LCK: variants seen among roughly 807,000 people sequenced by gnomAD.
LCK encodes the protein LCK proto-oncogene, Src family tyrosine kinase.
In LCK, 14 loss-of-function variants were observed where a neutral mutation model predicts 64.6. The ratio of observed to expected loss-of-function variants is 0.22; its 90% CI spans 0.14 to 0.34. LCK has a LOEUF of 0.34. Ranked by LOEUF, LCK falls within the 10% of genes least tolerant of loss-of-function variation. The pLI, the probability that LCK is intolerant of heterozygous loss-of-function variation, is 1.00. For synonymous variants in LCK, 277 were observed against 263.6 expected (o/e 1.05, Z -0.49); for missense variants, 434 against 668.1 (o/e 0.65, Z 3.86).
chr1:32,280,453 T>C (rs1443681838), intron 12 of LCK, among the ~76,000 whole-genome samples: 2 of 119,438 alleles, frequency 1.7e-5, no homozygotes, highest in Admixed American at 8.0e-5. Flanking sequence ...CTTTTTTTTT[T>C]TTTTTTTTTT....
At chr1:32,263,399 A>C (rs1006076626) in intron 1 of LCK, among the ~76,000 whole-genome samples, 2 of 134,792 alleles carry the variant, frequency 1.5e-5, no homozygotes, top group African/African-American at 6.2e-5. Flanking sequence ...TCTCAAAATA[A>C]ATAAAATAAA....
chr1:32,274,029 A>C, intron 1 of LCK: 8 of 450,920 alleles, frequency 1.8e-5, no homozygotes, highest in Non-Finnish European at 2.4e-5. Context: ...AGAGGCAGGA[A>C]GTGGGTAACT....
chr1:32,281,263 A>C (rs1025780672), intron 12 of LCK, among the ~76,000 whole-genome samples: 3 of 149,494 alleles, frequency 2.0e-5, no homozygotes, highest in Non-Finnish European at 4.5e-5. Flanking sequence ...GAGAGACTCC[A>C]TCTCTACAAA....
chr1:32,284,670 T>C (rs1640563603), intron 12 of LCK, among the ~76,000 whole-genome samples: 1 of 152,182 alleles, frequency 6.6e-6, no homozygotes, highest in Non-Finnish European at 1.5e-5. Flanking sequence ...ATGCCTGGCC[T>C]GTGCACTATA....
At chr1:32,274,101 C>T in intron 1 of LCK, 2 of 938,678 alleles carry the variant, frequency 2.1e-6, no homozygotes, top group Non-Finnish European at 3.1e-6. Context: ...GGCTAGGGCT[C>T]AGGGGCCGTG....
chr1:32,280,824 G>A (rs1359545203), intron 12 of LCK, among the ~76,000 whole-genome samples: 2 of 152,140 alleles, frequency 1.3e-5, no homozygotes, highest in Non-Finnish European at 2.9e-5. Flanking sequence ...GGAACAAGAG[G>A]CCTACCTTTT....
At chr1:32,271,412 C>T (rs1346225828) in intron 1 of LCK, among the ~76,000 whole-genome samples, 1 of 152,178 alleles carries the variant, frequency 6.6e-6, no homozygotes, top group Non-Finnish European at 1.5e-5. Flanking sequence ...TATGGCAGCT[C>T]ATGCCTGTAA....
At chr1:32,277,007 C>T (rs912705612) in intron 9 of LCK, 26 of 373,114 alleles carry the variant, frequency 7.0e-5, no homozygotes, top group Non-Finnish European at 1.1e-4. Context: ...GTCAGGAGTT[C>T]GAGACCAGCC....
intron 1 of LCK, among the ~76,000 whole-genome samples, chr1:32,264,766 A>C (rs1407314671): frequency 1.3e-5 from 2 of 151,968 alleles, no homozygotes; most frequent in African/African-American, 4.8e-5. Context: ...AAGTTAAAAA[A>C]ATTTTTCTTT....
chr1:32,254,638 G>C (rs181066770), intron 1 of LCK, among the ~76,000 whole-genome samples: 2 of 151,892 alleles, frequency 1.3e-5, no homozygotes, highest in Non-Finnish European at 2.9e-5. Flanking sequence ...TCAGCCTCCC[G>C]AGTAGCTGGG....
At chr1:32,265,170 G>A (rs1250550146) in intron 1 of LCK, among the ~76,000 whole-genome samples, 3 of 149,364 alleles carry the variant, frequency 2.0e-5, no homozygotes, top group Non-Finnish European at 4.4e-5. Flanking sequence ...GTGACAGAGT[G>A]AGACTTTGTC....
chr1:32,267,110 G>A (rs1294262983), intron 1 of LCK, among the ~76,000 whole-genome samples: 1 of 151,674 alleles, frequency 6.6e-6, no homozygotes, highest in Non-Finnish European at 1.5e-5. Context: ...TCTGAGACCA[G>A]TTCCAGGTTG....
rs560048294 is a variant in LCK, at chr1:32,275,692, G to C, written c.481+20G>C. ...CCGCGGGTGAGCGGGCGGCGGTCTC[G>C]ACCGGGCGCGGGGGTGCCCCGGGGT... On this transcript the variant is annotated intron_variant, in intron 6 of 12. Coordinates refer to ENST00000336890, the MANE Select transcript of LCK (RefSeq NM_005356.5). The surrounding 1 kb of genome is among the most constrained non-coding windows in gnomAD (Gnocchi z 6.9). The C allele has an allele frequency of 5.6e-5, 86 of 1,547,024 alleles. No individual in the cohort carries two copies. The South Asian group carries it at 7.2e-4, about 13-fold the overall frequency.
intron 12 of LCK, among the ~76,000 whole-genome samples, chr1:32,280,429 CTTTTTTTCTTTTTCTTTTTTTTTTTTT>C (rs1640417878): frequency 8.4e-6 from 1 of 119,142 alleles, no homozygotes; most frequent in Non-Finnish European, 1.8e-5. Context: ...TTCTTTTTCT[CTTTTTTTCTTTTTCTTTTTTTTTTTTT>C]TTTTTTTTTT....
At chr1:32,254,738 C>T (rs548775396) in intron 1 of LCK, among the ~76,000 whole-genome samples, 169 of 152,228 alleles carry the variant, frequency 1.1e-3, no homozygotes, top group African/African-American at 3.9e-3. Flanking sequence ...TCTTGAACTC[C>T]CGATCTCAGG....
Position 32,280,119 on chromosome 1 carries a change from T to C in LCK, c.1236T>C (p.Ile412=). The C allele has an allele frequency of 1.2e-6, 2 of 1,614,116 alleles. No individual in the cohort carries two copies. Among genetic ancestry groups the C allele is most frequent in the Non-Finnish European group, 1.7e-6 (2 of 1,180,024 alleles). Residue 412 remains isoleucine, a synonymous_variant, in exon 12 of 13, where the codon ATT becomes ATC. Transcript: ENST00000336890. The part of the protein sequence containing the change: ...FPIKWTAPEA[I]NYGTFTIKSD... ...TTAAGTGGACAGCGCCAGAAGCCAT[T>C]AACTACGGGACATTCACCATCAAGT...
At chr1:32,268,834 A>C (rs896550168) in intron 1 of LCK, among the ~76,000 whole-genome samples, 4 of 150,942 alleles carry the variant, frequency 2.7e-5, no homozygotes, top group African/African-American at 9.7e-5. Context: ...AAAAAAGAAA[A>C]GAAAAGAAAC....
chr1:32,266,845 C>T (rs989272561), intron 1 of LCK, among the ~76,000 whole-genome samples: 2 of 111,544 alleles, frequency 1.8e-5, no homozygotes, highest in Admixed American at 1.9e-4. Context: ...CTTTCTCCTC[C>T]TTCTTCTTCT....
intron 1 of LCK, among the ~76,000 whole-genome samples, chr1:32,273,181 A>G (rs1569945836): frequency 1.1e-5 from 1 of 93,846 alleles, no homozygotes; most frequent in Non-Finnish European, 2.1e-5. Context: ...GCACTTGTGG[A>G]GGGTGAGTGT....
Sources: allele counts gnomAD v4.1 joint callset (sites outside exome capture counted in the v4.1 genomes callset), GRCh38; gene constraint gnomAD v4.1.1; non-coding constraint Gnocchi (gnomAD v3.1); transcripts MANE v1.5; gene names NCBI Gene and HGNC (gene_info 2026-07-23, HGNC 2026-07-21).